CWC22: variants seen among roughly 807,000 people sequenced by gnomAD.
CWC22 encodes CWC22 spliceosome associated protein.
In CWC22, 53 loss-of-function variants were observed where a neutral mutation model predicts 117.2. The ratio of observed to expected loss-of-function variants is 0.45; its 90% CI spans 0.36 to 0.57. The LOEUF (loss-of-function observed/expected upper bound fraction) is 0.57, where lower values mean the gene tolerates loss of function less well. Ranked by LOEUF, CWC22 falls within the 20% of genes least tolerant of loss-of-function variation. CWC22 has a pLI of 0.00. For missense variants in CWC22, 980 were observed against 1,068.8 expected (o/e 0.92, Z 1.16); for synonymous variants, 360 against 355.6 (o/e 1.01, Z -0.14).
At chr2:179,995,168 C>T (rs567627284) in intron 1 of CWC22, among the ~76,000 whole-genome samples, 2 of 152,282 alleles carry the variant, frequency 1.3e-5, no homozygotes, top group East Asian at 1.9e-4. Flanking sequence ...AATCCTGATG[C>T]CCACAGACTA....
Position 179,950,639 on chromosome 2 carries a change from G to A in CWC22, c.2013C>T (p.Ser671=). The change falls in exon 19 of 20, where the codon TCC becomes TCT. Residue 671 remains serine (S), a synonymous_variant. Transcript: ENST00000410053. ...VEQNKSSPSS[S]SSASSSSESD... is the part of the protein sequence containing the mutation. ...ACTCTGAAGAGGAGGACGCTGAAGA[G>A]GAAGAGGATGGGGAGGATTTATTTT... 1.2e-6 allele frequency: 2 copies of A among 1,613,624 alleles called. No individual in the cohort carries two copies. Among genetic ancestry groups the A allele is most frequent in the Non-Finnish European group, 1.7e-6 (2 of 1,179,624 alleles).
intron 19 of CWC22, among the ~76,000 whole-genome samples, chr2:179,946,902 TAGAGCCACAAA>T (rs1242029048): frequency 6.6e-6 from 1 of 152,182 alleles, no homozygotes; most frequent in Non-Finnish European, 1.5e-5. Flanking sequence ...TGGGCTTTAT[TAGAGCCACAAA>T]GGCTTAGTTT....
intron 16 of CWC22, 49 bp downstream of exon 16, chr2:179,954,156 G>T (rs750956124): frequency 6.9e-7 from 1 of 1,438,996 alleles, no homozygotes; most frequent in East Asian, 2.3e-5. Context: ...AAATCTATTT[G>T]AGAACAGGGA....
chr2:179,986,864 A>G, intron 3 of CWC22, 59 bp from the exon 4 acceptor site: 4 of 944,626 alleles, frequency 4.2e-6, no homozygotes, highest in Non-Finnish European at 6.3e-6. Flanking sequence ...ATAAATATTT[A>G]GGAAAGTCAT....
At chr2:179,947,676 A>C (rs964063712) in intron 19 of CWC22, among the ~76,000 whole-genome samples, 4 of 152,214 alleles carry the variant, frequency 2.6e-5, no homozygotes, top group Admixed American at 6.5e-5. Flanking sequence ...ATGTTTGTAC[A>C]CTTCAATTCA....
At chr2:179,978,536 T>A (rs1204705362) in intron 5 of CWC22, among the ~76,000 whole-genome samples, 1 of 152,134 alleles carries the variant, frequency 6.6e-6, no homozygotes, top group Admixed American at 6.5e-5. Context: ...ACCATTTTTC[T>A]TTAATAATAC....
chr2:179,959,191 T>C, intron 13 of CWC22, 109 bp from the exon 14 acceptor site: 1 of 713,960 alleles, frequency 1.4e-6, no homozygotes, highest in Non-Finnish European at 2.4e-6. Context: ...TTAACTGTAA[T>C]TTCATATTGT....
In CWC22 at chr2:179,945,202, T is replaced by C; in HGVS notation, c.2654A>G (p.Tyr885Cys). 2 of 1,613,806 alleles carry C rather than the reference T, an allele frequency of 1.2e-6. No individual in the cohort carries two copies. Among genetic ancestry groups the C allele is most frequent in the Non-Finnish European group, 1.7e-6 (2 of 1,179,830 alleles). ...CTTTGATTCTCTGGATTGTTCAGAG[T>C]ATCTGCTAGATTTTTCCCATCGTCT... ...AERRWEKSSR[Y>C]SEQSRESKKN... The change falls in exon 20 of 20, where the codon TAC becomes TGC. Residue 885 changes from tyrosine (Y) to cysteine (C), a missense_variant. Tyr to Cys is a radical substitution (Grantham distance 194, BLOSUM62 -2). Transcript: ENST00000410053.
chr2:179,957,416 T>C (rs1686623830), intron 14 of CWC22, among the ~76,000 whole-genome samples: 1 of 152,194 alleles, frequency 6.6e-6, no homozygotes, highest in Admixed American at 6.5e-5. Context: ...AGATAATAAA[T>C]ATTTTAGGCT....
At chr2:179,978,628 A>C (rs1323205860) in intron 5 of CWC22, among the ~76,000 whole-genome samples, 1 of 152,158 alleles carries the variant, frequency 6.6e-6, no homozygotes, top group African/African-American at 2.4e-5. Context: ...AATTCAATAC[A>C]TGCTTATTTT....
Position 179,959,060 on chromosome 2 carries a change from G to A in CWC22, c.1420C>T (p.His474Tyr). ...GGAAACTCCATTTTCAGCAATTTGTGAGCACATTCTTCAAAATCTAAACTG... is the reference window on the plus strand; with the variant it reads ...GGAAACTCCATTTTCAGCAATTTGTAAGCACATTCTTCAAAATCTAAACTG... ...QSSLDFEECA[H>Y]KLLKMEFPES... Residue 474 changes from histidine to tyrosine, a missense_variant, in exon 14 of 20, where the codon CAC becomes TAC. This residue lies in a region of CWC22 where 559 missense variants were observed against 602.3 expected (regional missense o/e 0.93). Transcript: ENST00000410053. The A allele has an allele frequency of 6.4e-7, 1 of 1,571,842 alleles. No individual in the cohort carries two copies. The highest frequency in any genetic ancestry group is 1.2e-5 in the South Asian group (1 of 85,826).
Position 179,987,450 on chromosome 2 carries a change from A to G in CWC22, c.96-645T>C, listed in dbSNP as rs75971375. ...ATACACATCTACAATTAAGTTATACACACAAATACCTGTGTGTGTGTGTGT... is the reference window on the plus strand; with the variant it reads ...ATACACATCTACAATTAAGTTATACGCACAAATACCTGTGTGTGTGTGTGT... On this transcript the variant is annotated intron_variant, in intron 3 of 19. Transcript: ENST00000410053. Among the ~76,000 whole-genome samples, 1,110 of 152,272 alleles carry G rather than the reference A, an allele frequency of 7.3e-3. 10 individuals carry two copies. The highest frequency in any genetic ancestry group is 0.025 in the African/African-American group (1,048 of 41,570).
chr2:179,997,747 C>G (rs749220906), intron 1 of CWC22, among the ~76,000 whole-genome samples: 2 of 152,144 alleles, frequency 1.3e-5, no homozygotes, highest in Non-Finnish European at 2.9e-5. Context: ...CAGCATCTTT[C>G]TAGGCACTGG....
intron 6 of CWC22, among the ~76,000 whole-genome samples, chr2:179,975,686 A>C (rs924299558): frequency 4.6e-5 from 7 of 151,706 alleles, no homozygotes; most frequent in Non-Finnish European, 8.8e-5. Flanking sequence ...AATAGCTATG[A>C]AAAAAAAAGT....
intron 6 of CWC22, among the ~76,000 whole-genome samples, chr2:179,976,807 A>G (rs1687164622): frequency 6.6e-6 from 1 of 152,192 alleles, no homozygotes; most frequent in African/African-American, 2.4e-5. Context: ...TGGTAGAAAT[A>G]TAAATTAGTA....
At chr2:180,001,114 G>A (rs1360366269) in intron 1 of CWC22, among the ~76,000 whole-genome samples, 2 of 152,096 alleles carry the variant, frequency 1.3e-5, no homozygotes, top group African/African-American at 4.8e-5. Flanking sequence ...TCAATAAGCT[G>A]TCTCTTGATT....
intron 13 of CWC22, 33 bp downstream of exon 13, chr2:179,964,514 A>T: frequency 7.8e-7 from 1 of 1,276,012 alleles, no homozygotes; most frequent in Non-Finnish European, 1.1e-6. Flanking sequence ...TATCAAAAAC[A>T]AAAAAAGGAT....
intron 16 of CWC22, among the ~76,000 whole-genome samples, chr2:179,953,567 C>T (rs990895983): frequency 6.6e-6 from 1 of 152,232 alleles, no homozygotes; most frequent in East Asian, 1.9e-4. Context: ...GCACCTCTCT[C>T]AATGACTCAG....
intron 14 of CWC22, among the ~76,000 whole-genome samples, chr2:179,957,724 C>A (rs1215644809): frequency 6.6e-6 from 1 of 152,028 alleles, no homozygotes; most frequent in East Asian, 1.9e-4. Context: ...GGCATCTGTG[C>A]CCGGTTTACC....
Sources: gnomAD v4.1 joint callset for allele counts (sites outside exome capture counted in the v4.1 genomes callset) on GRCh38, gnomAD v4.1.1 for gene constraint, gnomAD v4.1.1 regional missense constraint, MANE v1.5 for transcripts, NCBI Gene and HGNC (gene_info 2026-07-23, HGNC 2026-07-21) for gene names.